Variants in TCF20 observed in about 807,000 individuals in gnomAD.
The protein encoded by TCF20 is transcription factor 20, also known as SPRE-binding protein.
Under a neutral mutation model 148.6 loss-of-function variants are expected in TCF20, and 3 were observed. The ratio of observed to expected loss-of-function variants is 0.02; its 90% CI spans 0.01 to 0.05. The LOEUF is 0.05. Among genes scored for constraint, TCF20 ranks in the 10% least tolerant of loss-of-function variants. The probability of loss-of-function intolerance (pLI) is 1.00; values close to 1 mark genes in which losing one functional copy is unlikely to be tolerated. For missense variants in TCF20, 2,350 were observed against 2,429.3 expected, an observed-to-expected ratio of 0.97 and a Z score of 0.69; for synonymous variants, 1,049 against 909.5, an observed-to-expected ratio of 1.15 and a Z score of -2.76.
At position 42,213,524 on chromosome 22, in the gene TCF20, G is replaced by A. The variant is rs746476287; in HGVS notation, c.1782C>T (p.Asp594=). 3.5e-5 allele frequency: 56 copies of A among 1,614,054 alleles called. No homozygotes were observed. Among genetic ancestry groups the A allele is most frequent in the Non-Finnish European group, 4.5e-5 (53 of 1,180,034 alleles). Residue 594 remains aspartate (D), a synonymous_variant, in exon 2 of 6, where the codon GAC becomes GAT. Transcript: ENST00000677622. ...PGAKDMPLSS[D]GNPKVNEKTV... ...TCTTCTCATTAACCTTTGGGTTCCC[G>A]TCGGATGACAATGGCATGTCCTTAG... is the stretch of plus-strand genomic sequence containing the variant.
At chr22:42,197,074 T>G (rs909040888) in intron 2 of TCF20, among the ~76,000 whole-genome samples, 1 of 152,168 alleles carries the variant, frequency 6.6e-6, no homozygotes, top group African/African-American at 2.4e-5. Flanking sequence ...AGGGCTGAAT[T>G]TTCTCTTCAG....
intron 1 of TCF20, among the ~76,000 whole-genome samples, chr22:42,260,414 A>G (rs570729335): frequency 5.3e-5 from 8 of 152,318 alleles, no homozygotes; most frequent in South Asian, 2.1e-4. Flanking sequence ...ACTTTAGCTG[A>G]TAAGTGGAAA....
intron 2 of TCF20, among the ~76,000 whole-genome samples, chr22:42,191,184 TATA>T (rs1314452319): frequency 1.3e-5 from 2 of 152,222 alleles, no homozygotes; most frequent in African/African-American, 4.8e-5. Context: ...CGTAGTTTGT[TATA>T]ATGTTAATAT....
At position 42,161,347 on chromosome 22, in the gene TCF20, CCA is replaced by C; in HGVS notation, c.*54_*55del. 6.2e-7 allele frequency: 1 copy of C among 1,614,108 alleles called. No homozygotes were observed. The highest frequency in any genetic ancestry group is 8.5e-7 in the Non-Finnish European group (1 of 1,179,988). ...ACGAGTGTCCACCACCTTCTCATCTCCACAGTCTCACCTGGAAGACAAGGGAC... is the reference window on the plus strand; with the variant it reads ...ACGAGTGTCCACCACCTTCTCATCTCCAGTCTCACCTGGAAGACAAGGGAC... On this transcript the variant is annotated 3_prime_UTR_variant, in exon 6 of 6. Transcript: ENST00000677622.
intron 1 of TCF20, among the ~76,000 whole-genome samples, chr22:42,334,604 CG>C: frequency 6.6e-6 from 1 of 152,390 alleles, no homozygotes; most frequent in African/African-American, 2.4e-5. Context: ...CTTACACACT[CG>C]GCACATGCCG....
intron 1 of TCF20, among the ~76,000 whole-genome samples, chr22:42,252,547 T>C (rs1925465007): frequency 6.6e-6 from 1 of 151,988 alleles, no homozygotes; most frequent in Non-Finnish European, 1.5e-5. Context: ...ACCTCCCAGG[T>C]TTAAGCGATT....
upstream of TCF20, among the ~76,000 whole-genome samples, chr22:42,275,392 A>T (rs1569198580): frequency 6.6e-6 from 1 of 152,234 alleles, no homozygotes. Context: ...ACCTGAGGAT[A>T]GGCCAAGAAA....
intron 1 of TCF20, among the ~76,000 whole-genome samples, chr22:42,281,468 C>A (rs1346033980): frequency 6.6e-6 from 1 of 152,250 alleles, no homozygotes; most frequent in Non-Finnish European, 1.5e-5. Context: ...CGCCGCCTCT[C>A]CCCACTCTTC....
intron 2 of TCF20, among the ~76,000 whole-genome samples, chr22:42,189,329 G>A (rs1273575415): frequency 1.3e-5 from 2 of 152,194 alleles, no homozygotes; most frequent in African/African-American, 4.8e-5. Context: ...GAGCCCTCTG[G>A]ATGCCAGCAC....
chr22:42,331,591 G>A (rs1005048812), intron 1 of TCF20, among the ~76,000 whole-genome samples: 1 of 152,242 alleles, frequency 6.6e-6, no homozygotes, highest in Non-Finnish European at 1.5e-5. Context: ...TTGGAGCTCT[G>A]AGGCTGTGGT....
At chr22:42,168,526 G>A (rs1935924402) in intron 5 of TCF20, 83 bp downstream of exon 5, 1 of 1,511,834 alleles carries the variant, frequency 6.6e-7, no homozygotes. Context: ...TGGTGGCAGA[G>A]CATAGAGCGA....
intron 1 of TCF20, among the ~76,000 whole-genome samples, chr22:42,318,821 G>A (rs566859304): frequency 2.0e-5 from 3 of 152,324 alleles, no homozygotes; most frequent in African/African-American, 7.2e-5. Flanking sequence ...CCCAGTATGG[G>A]GGTGGGGGGC....
chr22:42,256,240 A>G (rs935390196), intron 1 of TCF20, among the ~76,000 whole-genome samples: 2 of 152,204 alleles, frequency 1.3e-5, no homozygotes, highest in Admixed American at 1.3e-4. Context: ...TTAATTTTCC[A>G]TATTGGACTC....
At position 42,211,501 on chromosome 22, in the gene TCF20, G is replaced by C. The variant is rs1920963129; in HGVS notation, c.3805C>G (p.Gln1269Glu). ...CTACTGTTCTTTACATCTTGTGACT[G>C]TCTCTTACTGGGAATGGGAGAGATA... ...SFISPIPSKR[Q>E]SQDVKNSSTE... The change falls in exon 2 of 6, where the codon CAG becomes GAG. Residue 1269 changes from glutamine (Q) to glutamate (E), a missense_variant. This residue lies in a region of TCF20 where 1,641 missense variants were observed against 1,662.6 expected (regional missense o/e 0.99). Coordinates refer to ENST00000677622, the MANE Select transcript of TCF20 (RefSeq NM_001378418.1). The C allele has an allele frequency of 6.2e-7, 1 of 1,614,200 alleles. No homozygotes were observed. Among genetic ancestry groups the C allele is most frequent in the Non-Finnish European group, 8.5e-7 (1 of 1,180,042 alleles).
Position 42,320,105 on chromosome 22 carries a change from G to GC in TCF20, c.-37+23373dup, listed in dbSNP as rs150393652. ...GCTCCTACTTTCACTTTTGAGACTG[G>GC]CCCCCCTGACCTCTCCGCCTTCTCC... On this transcript the variant is annotated intron_variant, in intron 1 of 1. Transcript: ENST00000515426. 3.4e-3 allele frequency among the ~76,000 whole-genome samples: 513 copies of GC among 152,136 alleles called. 19 individuals carry two copies. The East Asian group carries it at 0.089, about 26-fold the overall frequency.
chr22:42,321,918 G>C (rs889080396), intron 1 of TCF20, among the ~76,000 whole-genome samples: 29 of 151,312 alleles, frequency 1.9e-4, no homozygotes, highest in African/African-American at 7.0e-4. Flanking sequence ...CTGCACTCCA[G>C]CCTGGGTGAC....
At chr22:42,270,980 G>A (rs1926595565), upstream of TCF20, among the ~76,000 whole-genome samples, 1 of 152,108 alleles carries the variant, frequency 6.6e-6, no homozygotes, top group South Asian at 2.1e-4. Context: ...TGGGGGAGTT[G>A]GTGGCCCGGA....
chr22:42,166,429 G>A (rs1454407737), intron 5 of TCF20, among the ~76,000 whole-genome samples: 5 of 152,136 alleles, frequency 3.3e-5, no homozygotes, highest in Admixed American at 2.6e-4. Context: ...GCAACATGGT[G>A]AAACCCCATC....
At chr22:42,322,399 G>A (rs1927749363) in intron 1 of TCF20, among the ~76,000 whole-genome samples, 2 of 151,828 alleles carry the variant, frequency 1.3e-5, no homozygotes, top group Admixed American at 6.6e-5. Context: ...AGAGGAGAAG[G>A]GGGTCTGCTG....
Sources: gnomAD v4.1 joint callset for allele counts (sites outside exome capture counted in the v4.1 genomes callset) on GRCh38, gnomAD v4.1.1 for gene constraint, gnomAD v4.1.1 regional missense constraint, MANE v1.5 for transcripts, NCBI Gene and HGNC (gene_info 2026-07-23, HGNC 2026-07-21) for gene names.